Variants in VRK2 observed in about 807,000 individuals in gnomAD.
The protein encoded by VRK2 is VRK serine/threonine kinase 2.
A neutral mutation model predicts 57.6 loss-of-function variants in VRK2; 60 were observed. That is an observed-to-expected ratio of 1.04 (90% CI 0.85 to 1.29). The LOEUF (loss-of-function observed/expected upper bound fraction) is 1.29, where lower values mean the gene tolerates loss of function less well. Among genes scored for constraint, VRK2 ranks in the 50% most tolerant of loss-of-function variants. VRK2 has a pLI of 0.00. For missense variants in VRK2, 705 were observed against 588.1 expected (o/e 1.20, Z -2.06); for synonymous variants, 231 against 199.2 (o/e 1.16, Z -1.35).
intron 1 of VRK2, among the ~76,000 whole-genome samples, chr2:57,910,126 AC>A (rs1169392903): frequency 6.6e-6 from 1 of 151,646 alleles, no homozygotes; most frequent in African/African-American, 2.4e-5. Flanking sequence ...AAAAAAAAAA[AC>A]ATTCCCATGG....
upstream of VRK2, among the ~76,000 whole-genome samples, chr2:58,042,005 T>C (rs1253845260): frequency 6.6e-6 from 1 of 152,026 alleles, no homozygotes; most frequent in East Asian, 1.9e-4. Context: ...CCCTAAAACA[T>C]ACGAAACCAA....
At chr2:58,063,251 T>TG (rs1205152209) in intron 2 of VRK2, among the ~76,000 whole-genome samples, 2 of 151,736 alleles carry the variant, frequency 1.3e-5, no homozygotes, top group African/African-American at 4.8e-5. Context: ...GTTTTTTTTT[T>TG]TTTTTTAACA....
intron 11 of VRK2, among the ~76,000 whole-genome samples, chr2:58,143,174 TAC>T (rs1681591679): frequency 6.6e-6 from 1 of 151,990 alleles, no homozygotes; most frequent in African/African-American, 2.4e-5. Context: ...GATAGTGAAA[TAC>T]AGATTCTTAA....
intron 12 of VRK2, among the ~76,000 whole-genome samples, chr2:58,155,571 T>TAACA (rs1184140114): frequency 6.6e-6 from 1 of 152,106 alleles, no homozygotes; most frequent in African/African-American, 2.4e-5. Flanking sequence ...ACAATTTCCC[T>TAACA]AACACCCAGT....
At chr2:58,109,434 GAA>G (rs1217084882) in intron 7 of VRK2, among the ~76,000 whole-genome samples, 1 of 141,192 alleles carries the variant, frequency 7.1e-6, no homozygotes, top group Non-Finnish European at 1.6e-5. Context: ...ATACTGCTAT[GAA>G]AAAAAAAAAA....
chr2:58,123,208 C>A lies in VRK2; in HGVS notation c.651C>A (p.Thr217=). The A allele has an allele frequency of 6.3e-7, 1 of 1,586,228 alleles. No homozygotes were observed. The highest frequency in any genetic ancestry group is 8.5e-7 in the Non-Finnish European group (1 of 1,172,830). Residue 217 remains threonine (T), a synonymous_variant, in exon 8 of 13, where the codon ACC becomes ACA. Coordinates refer to ENST00000340157, the MANE Select transcript of VRK2 (RefSeq NM_006296.7). Reference sequence around the variant, plus strand: ...GCCATAATGGGACAATAGAGTTTACCAGCTTGGATGCCCACAAGGGAGTAG... The same window carrying A: ...GCCATAATGGGACAATAGAGTTTACAAGCTTGGATGCCCACAAGGGAGTAG... ...RKGHNGTIEF[T]SLDAHKGVAL...
intron 2 of VRK2, among the ~76,000 whole-genome samples, chr2:58,076,506 G>A (rs138435536): frequency 2.6e-5 from 4 of 152,078 alleles, no homozygotes; most frequent in African/African-American, 7.2e-5. Flanking sequence ...TTTCACCATT[G>A]TAAAGTAGAA....
At chr2:58,085,177 A>G (rs1260697869) in intron 4 of VRK2, among the ~76,000 whole-genome samples, 1 of 151,944 alleles carries the variant, frequency 6.6e-6, no homozygotes, top group African/African-American at 2.4e-5. Context: ...TGTTTCTACT[A>G]CTTTACATAA....
At chr2:58,132,093 A>G (rs1234951643) in intron 9 of VRK2, 165 bp downstream of exon 9, 1 of 735,354 alleles carries the variant, frequency 1.4e-6, no homozygotes, top group Non-Finnish European at 2.1e-6. Flanking sequence ...ACTAACACAT[A>G]AAATCCATTA....
intron 1 of VRK2, among the ~76,000 whole-genome samples, chr2:57,982,626 G>T (rs1000489595): frequency 1.3e-5 from 2 of 152,184 alleles, no homozygotes; most frequent in Non-Finnish European, 2.9e-5. Flanking sequence ...AGTGGCCAGT[G>T]GCAAGCTGAG....
chr2:57,930,082 G>C (rs1299316181), intron 1 of VRK2, among the ~76,000 whole-genome samples: 1 of 152,102 alleles, frequency 6.6e-6, no homozygotes, highest in African/African-American at 2.4e-5. Flanking sequence ...GTCTCACTAA[G>C]TTGTGGGCCC....
chr2:58,068,743 T>C (rs1363784767), intron 2 of VRK2, among the ~76,000 whole-genome samples: 1 of 151,554 alleles, frequency 6.6e-6, no homozygotes, highest in Non-Finnish European at 1.5e-5. Flanking sequence ...ATCATTTTCC[T>C]TTGATCTATC....
chr2:58,031,332 A>C (rs1281810910), intron 2 of VRK2, among the ~76,000 whole-genome samples: 1 of 151,958 alleles, frequency 6.6e-6, no homozygotes, highest in Non-Finnish European at 1.5e-5. Flanking sequence ...AAATCAGAAG[A>C]AGAGAGGCTT....
intron 1 of VRK2, among the ~76,000 whole-genome samples, chr2:58,015,767 T>C (rs1445125312): frequency 6.6e-6 from 1 of 152,192 alleles, no homozygotes; most frequent in Non-Finnish European, 1.5e-5. Flanking sequence ...ATGGTATGTT[T>C]TGTGAGCCAT....
chr2:58,139,532 G>A (rs934576967), intron 10 of VRK2, 134 bp from the exon 11 acceptor site: 4 of 733,684 alleles, frequency 5.5e-6, no homozygotes, highest in African/African-American at 3.6e-5. Flanking sequence ...TATTTTCATT[G>A]AATTGTTCAT....
chr2:58,139,566 A>G, intron 10 of VRK2, 100 bp from the exon 11 acceptor site: 1 of 1,022,890 alleles, frequency 9.8e-7, no homozygotes. Context: ...AGGAGATGTA[A>G]ATGTGTAAAA....
At chr2:57,924,544 A>T (rs1572866159) in intron 1 of VRK2, among the ~76,000 whole-genome samples, 1 of 152,016 alleles carries the variant, frequency 6.6e-6, no homozygotes, top group Non-Finnish European at 1.5e-5. Context: ...TAGAAATGCT[A>T]CTGATTTTTG....
At chr2:57,992,263 A>G (rs1321965609) in intron 1 of VRK2, among the ~76,000 whole-genome samples, 1 of 152,208 alleles carries the variant, frequency 6.6e-6, no homozygotes, top group Non-Finnish European at 1.5e-5. Flanking sequence ...CTCAGTAATT[A>G]CTGCTTTGAG....
chr2:57,930,844 T>G (rs752589980), intron 1 of VRK2, among the ~76,000 whole-genome samples: 6 of 152,208 alleles, frequency 3.9e-5, no homozygotes, highest in African/African-American at 4.8e-5. Context: ...TCATGCAGTA[T>G]TTGTCGTTCT....
Sources: gnomAD v4.1 joint callset for allele counts (sites outside exome capture counted in the v4.1 genomes callset) on GRCh38, gnomAD v4.1.1 for gene constraint, MANE v1.5 for transcripts, NCBI Gene and HGNC (gene_info 2026-07-23, HGNC 2026-07-21) for gene names.